The following ALK variants were observed in gnomAD, a reference collection of about 807,000 sequenced individuals.
ALK encodes ALK tyrosine kinase receptor.
A neutral mutation model predicts 163.1 loss-of-function variants in ALK; 74 were observed. That is an observed-to-expected ratio of 0.45 (90% confidence interval 0.38 to 0.55). The LOEUF (loss-of-function observed/expected upper bound fraction) is 0.55, where lower values mean the gene tolerates loss of function less well. ALK is among the 20% of genes least tolerant of loss of function. The probability of loss-of-function intolerance (pLI) is 0.00; values close to 1 mark genes in which losing one functional copy is unlikely to be tolerated. For synonymous variants in ALK, 960 were observed against 843.2 expected, an observed-to-expected ratio of 1.14 and a Z score of -2.40; for missense variants, 2,063 against 2,105.3, an observed-to-expected ratio of 0.98 and a Z score of 0.39.
intron 24 of ALK, among the ~76,000 whole-genome samples, chr2:29,211,219 G>T (rs562025557): frequency 1.3e-5 from 2 of 152,294 alleles, no homozygotes; most frequent in South Asian, 4.1e-4. Context: ...TGATCCAGAA[G>T]GTTTAAGTTG....
chr2:29,292,568 T>C (rs62130615), intron 9 of ALK, among the ~76,000 whole-genome samples: 17,726 of 152,048 alleles, frequency 0.12, 1,236 homozygotes, highest in Non-Finnish European at 0.15. Context: ...CTATGTGAGG[T>C]GGATGTAAAG....
At chr2:29,263,896 T>G (rs1665148957) in intron 11 of ALK, among the ~76,000 whole-genome samples, 1 of 152,218 alleles carries the variant, frequency 6.6e-6, no homozygotes, top group Admixed American at 6.5e-5. Flanking sequence ...ACTGGACTAA[T>G]CCTTGGGCTC....
At chr2:29,641,870 C>T (rs376953692) in intron 3 of ALK, among the ~76,000 whole-genome samples, 22 of 152,274 alleles carry the variant, frequency 1.4e-4, no homozygotes, top group African/African-American at 4.6e-4. Flanking sequence ...TTCAATTAGT[C>T]TCTGGGCCTC....
chr2:29,577,862 C>G (rs567085367), intron 3 of ALK, among the ~76,000 whole-genome samples: 2 of 152,360 alleles, frequency 1.3e-5, no homozygotes, highest in Admixed American at 1.3e-4. Context: ...CAAGACCTGT[C>G]TTTTTGCAGG....
intron 3 of ALK, among the ~76,000 whole-genome samples, chr2:29,691,061 C>G (rs1322134239): frequency 1.3e-5 from 2 of 152,196 alleles, no homozygotes; most frequent in African/African-American, 4.8e-5. Context: ...CCTGAACCTT[C>G]ACTTCTTTCC....
At chr2:29,389,132 G>A (rs1669102046) in intron 4 of ALK, among the ~76,000 whole-genome samples, 1 of 152,158 alleles carries the variant, frequency 6.6e-6, no homozygotes, top group Non-Finnish European at 1.5e-5. Context: ...CTAAAGTATT[G>A]GATGCTCTAG....
intron 8 of ALK, among the ~76,000 whole-genome samples, 197 bp downstream of exon 8, chr2:29,318,107 A>T (rs537135062): frequency 6.6e-6 from 1 of 152,332 alleles, no homozygotes; most frequent in East Asian, 1.9e-4. Context: ...TGGCTGTTTA[A>T]GGCATGATTC....
At chr2:29,750,264 C>T (rs1037922050) in intron 1 of ALK, among the ~76,000 whole-genome samples, 15 of 152,178 alleles carry the variant, frequency 9.9e-5, no homozygotes, top group African/African-American at 3.4e-4. Flanking sequence ...TATAGCCTAT[C>T]GATCCCAGGC....
At chr2:29,514,865 G>T (rs1009340055) in intron 4 of ALK, among the ~76,000 whole-genome samples, 2 of 152,086 alleles carry the variant, frequency 1.3e-5, no homozygotes, top group African/African-American at 4.8e-5. Flanking sequence ...TTGTGGTGCT[G>T]CAAAGGTCTG....
chr2:29,808,269 T>A (rs999618470), intron 1 of ALK, among the ~76,000 whole-genome samples: 1 of 152,124 alleles, frequency 6.6e-6, no homozygotes, highest in African/African-American at 2.4e-5. Flanking sequence ...GTGCAGGAAA[T>A]GACTTGCCCA....
intron 3 of ALK, among the ~76,000 whole-genome samples, chr2:29,603,048 T>G (rs1336347374): frequency 1.3e-5 from 2 of 152,234 alleles, no homozygotes; most frequent in Non-Finnish European, 2.9e-5. Flanking sequence ...ATTTTCTGAT[T>G]GGCAATTTGT....
chr2:29,734,494 G>T (rs1679838272), intron 1 of ALK, among the ~76,000 whole-genome samples: 1 of 152,108 alleles, frequency 6.6e-6, no homozygotes, highest in Non-Finnish European at 1.5e-5. Flanking sequence ...GACAAAACTA[G>T]TTCAGTAGGA....
chr2:29,581,631 G>T (rs933087102), intron 3 of ALK, among the ~76,000 whole-genome samples: 2 of 152,110 alleles, frequency 1.3e-5, no homozygotes, highest in Non-Finnish European at 2.9e-5. Context: ...GGCCTGTATT[G>T]CCCGTCTTGG....
At chr2:29,480,389 C>G (rs11674611) in intron 4 of ALK, among the ~76,000 whole-genome samples, 75,699 of 152,028 alleles carry the variant, frequency 0.5, 20,186 homozygotes, top group South Asian at 0.64. Flanking sequence ...TTTTCTATGT[C>G]TCTAAAATAT....
intron 1 of ALK, among the ~76,000 whole-genome samples, chr2:29,888,243 A>ATTGTTT (rs2148422648): frequency 2.3e-5 from 1 of 42,566 alleles, no homozygotes; most frequent in South Asian, 5.0e-4. Flanking sequence ...GGTCCAATAA[A>ATTGTTT]TTGTTTTTTT....
At chr2:29,917,591 GAATGAGGCTGGGGAGGC>G (rs1667867428) in intron 1 of ALK, among the ~76,000 whole-genome samples, 1 of 152,202 alleles carries the variant, frequency 6.6e-6, no homozygotes, top group Admixed American at 6.5e-5. Context: ...GACTGTATCT[GAATGAGGCTGGGGAGGC>G]AATGATAATG....
rs13405107 is a variant in ALK, at chr2:29,251,060, C to T, written c.2204+45G>A. On this transcript the variant is annotated intron_variant, in intron 12 of 28. Coordinates refer to ENST00000389048, the MANE Select transcript of ALK (RefSeq NM_004304.5). The stretch of plus-strand genomic sequence containing the variant: ...CCATAGGCAAGACTCCAGGCTTCTT[C>T]GGAAGGGGTGGTCTGCCCCTCCCCT... 1.4e-3 allele frequency: 2,296 copies of T among 1,598,314 alleles called. 31 individuals are homozygous for T. The African/African-American group carries it at 0.023, about 16-fold the overall frequency.
At chr2:29,573,364 T>C (rs113106628) in intron 3 of ALK, among the ~76,000 whole-genome samples, 12 of 152,262 alleles carry the variant, frequency 7.9e-5, no homozygotes, top group Non-Finnish European at 8.8e-5. Context: ...GTCTGCAAAG[T>C]ATGGCATCAA....
At chr2:29,795,607 ATAAAG>A (rs1664288890) in intron 1 of ALK, among the ~76,000 whole-genome samples, 1 of 152,194 alleles carries the variant, frequency 6.6e-6, no homozygotes, top group African/African-American at 2.4e-5. Context: ...ATAAAAAGTG[ATAAAG>A]TAAATATGGC....
Sources: gnomAD v4.1 joint callset for allele counts (sites outside exome capture counted in the v4.1 genomes callset) on GRCh38, gnomAD v4.1.1 for gene constraint, MANE v1.5 for transcripts, NCBI Gene and HGNC (gene_info 2026-07-23, HGNC 2026-07-21) for gene names.